The following TENM3 variants were observed in gnomAD, a reference collection of about 807,000 sequenced individuals.
The protein encoded by TENM3 is teneurin transmembrane protein 3, also known as teneurin-3.
A neutral mutation model predicts 255.1 loss-of-function variants in TENM3; 63 were observed. That is an observed-to-expected ratio of 0.25 (90% confidence interval 0.20 to 0.30). TENM3 has a LOEUF of 0.30. Among genes scored for constraint, TENM3 ranks in the 10% least tolerant of loss-of-function variants. The pLI is 1.00. For missense variants in TENM3, 2,929 were observed against 3,461.1 expected (o/e 0.85, Z 3.86); for synonymous variants, 1,306 against 1,322.3 (o/e 0.99, Z 0.27).
At chr4:181,990,996 G>A in the TENM3 span, among the ~76,000 whole-genome samples, 1 of 152,022 alleles carries the variant, frequency 6.6e-6, no homozygotes, top group Non-Finnish European at 1.5e-5. Context: ...AAACCAAAAG[G>A]ATATTCAGCA....
At chr4:182,356,851 A>C (rs558162358) in intron 3 of TENM3, among the ~76,000 whole-genome samples, 2 of 145,294 alleles carry the variant, frequency 1.4e-5, no homozygotes, top group African/African-American at 2.5e-5. Context: ...ATATCTCCCA[A>C]TGCTCTCCCT....
chr4:181,976,974 A>G, the TENM3 span, among the ~76,000 whole-genome samples: 1 of 152,226 alleles, frequency 6.6e-6, no homozygotes, highest in Non-Finnish European at 1.5e-5. Flanking sequence ...GCTATGTGAC[A>G]TACACATCAT....
chr4:182,780,024 T>C (rs1331897461), intron 24 of TENM3, among the ~76,000 whole-genome samples: 1 of 151,274 alleles, frequency 6.6e-6, no homozygotes, highest in South Asian at 2.1e-4. Context: ...ACTCTGATGG[T>C]AGTTTCTTTT....
the TENM3 span, among the ~76,000 whole-genome samples, chr4:182,081,598 A>G: frequency 6.6e-6 from 1 of 151,474 alleles, no homozygotes. Context: ...AAAAAAAAAA[A>G]AAAAAAAGAA....
chr4:181,489,030 G>A, the TENM3 span, among the ~76,000 whole-genome samples: 1 of 152,110 alleles, frequency 6.6e-6, no homozygotes, highest in Non-Finnish European at 1.5e-5. Flanking sequence ...CAAGAATGCT[G>A]ACAGACTCAG....
At chr4:181,903,210 A>T in the TENM3 span, among the ~76,000 whole-genome samples, 2,558 of 150,410 alleles carry the variant, frequency 0.017, 79 homozygotes, top group African/African-American at 0.06. Flanking sequence ...TTCTGATTTA[A>T]AAAAAAAACT....
At chr4:182,783,402 G>T (rs981959926) in intron 24 of TENM3, among the ~76,000 whole-genome samples, 6 of 152,282 alleles carry the variant, frequency 3.9e-5, no homozygotes, top group African/African-American at 1.2e-4. Flanking sequence ...CTTCTGGCTT[G>T]TAGGGTTTCT....
the TENM3 span, among the ~76,000 whole-genome samples, chr4:181,640,619 T>G: frequency 1.3e-5 from 2 of 152,312 alleles, no homozygotes; most frequent in East Asian, 3.9e-4. Context: ...ACTGGGTATT[T>G]TTGTTTGCCC....
chr4:182,774,846 A>C, intron 23 of TENM3, 72 bp from the exon 24 acceptor site: 2 of 1,095,524 alleles, frequency 1.8e-6, no homozygotes, highest in Non-Finnish European at 2.7e-6. Flanking sequence ...TTTAGAACCT[A>C]TCTCACGGCA....
At chr4:182,720,218 A>G (rs1759601771) in intron 13 of TENM3, among the ~76,000 whole-genome samples, 1 of 152,218 alleles carries the variant, frequency 6.6e-6, no homozygotes, top group African/African-American at 2.4e-5. Context: ...TAGATTACTC[A>G]GTGAAAATAA....
the TENM3 span, among the ~76,000 whole-genome samples, chr4:182,038,320 A>C: frequency 6.6e-6 from 1 of 152,214 alleles, no homozygotes; most frequent in African/African-American, 2.4e-5. Flanking sequence ...CTTTATTTAT[A>C]AATATAAATA....
chr4:182,661,613 C>T (rs1205853141), intron 6 of TENM3, among the ~76,000 whole-genome samples: 1 of 152,142 alleles, frequency 6.6e-6, no homozygotes, highest in Non-Finnish European at 1.5e-5. Context: ...TGATGTAACA[C>T]TCTGTATCCA....
chr4:182,145,942 G>T (rs1175864300), intron 1 of TENM3, among the ~76,000 whole-genome samples: 7 of 152,188 alleles, frequency 4.6e-5, no homozygotes, highest in Non-Finnish European at 8.8e-5. Flanking sequence ...AAGAAAAAAG[G>T]TGGATATGGC....
chr4:182,801,984 T>C lies in TENM3; in HGVS notation c.*1633T>C, dbSNP rs539255651. The C allele has an allele frequency of 6.5e-6, 1 of 152,796 alleles. No individual in the cohort carries two copies. The highest frequency in any genetic ancestry group is 2.4e-5 in the African/African-American group (1 of 41,586). The allele number at this position is 152,796 out of a possible 1,614,324, so 9.5% of individuals were successfully genotyped here. On this transcript the variant is annotated 3_prime_UTR_variant, in exon 28 of 28. Coordinates refer to ENST00000511685, the MANE Select transcript of TENM3 (RefSeq NM_001080477.4). ...TCATCGAGCTATAGTACACACTGTTTTCCTCTATGTATAATGGTGATAAAA... is the reference window on the plus strand; with the variant it reads ...TCATCGAGCTATAGTACACACTGTTCTCCTCTATGTATAATGGTGATAAAA...
chr4:182,158,768 C>T lies in TENM3; in HGVS notation c.-76+14014C>T, dbSNP rs187552785. On this transcript the variant is annotated intron_variant, in intron 1 of 2. Coordinates refer to the TENM3 transcript ENST00000512480. ...CCCTTAATACACCTATTGTTTGGAGCGGAACTGCAGTGGCCAGCTATAACT... is the reference window on the plus strand; with the variant it reads ...CCCTTAATACACCTATTGTTTGGAGTGGAACTGCAGTGGCCAGCTATAACT... 2.0e-5 allele frequency among the ~76,000 whole-genome samples: 3 copies of T among 152,178 alleles called. No individual in the cohort carries two copies. The East Asian group carries it at 5.8e-4, about 29-fold the overall frequency.
the TENM3 span, among the ~76,000 whole-genome samples, chr4:181,711,633 T>C: frequency 6.6e-6 from 1 of 152,222 alleles, no homozygotes; most frequent in Non-Finnish European, 1.5e-5. Flanking sequence ...ATTTACAAAT[T>C]TGCAAAGTTA....
At chr4:181,993,787 T>G in the TENM3 span, among the ~76,000 whole-genome samples, 209 of 152,228 alleles carry the variant, frequency 1.4e-3, 12 homozygotes, top group South Asian at 0.042. Context: ...TGAACTCCTA[T>G]AAAGAAAAAT....
chr4:181,987,181 C>T, the TENM3 span, among the ~76,000 whole-genome samples: 1 of 152,084 alleles, frequency 6.6e-6, no homozygotes, highest in African/African-American at 2.4e-5. Flanking sequence ...TATCCTCTTA[C>T]CCAAGGTCAC....
chr4:181,450,030 A>C, the TENM3 span, among the ~76,000 whole-genome samples: 2 of 152,162 alleles, frequency 1.3e-5, no homozygotes, highest in African/African-American at 4.8e-5. Flanking sequence ...TTAAACTACT[A>C]TTTAATATGT....
Sources: gnomAD v4.1 joint callset for allele counts (sites outside exome capture counted in the v4.1 genomes callset) on GRCh38, gnomAD v4.1.1 for gene constraint, MANE v1.5 for transcripts, NCBI Gene and HGNC (gene_info 2026-07-23, HGNC 2026-07-21) for gene names.